Variants in PLEKHN1 observed in about 807,000 individuals in gnomAD.
PLEKHN1 encodes the protein pleckstrin homology domain containing N1.
PLEKHN1 carries 68 observed loss-of-function variants against 72.8 expected under a neutral mutation model. The ratio of observed to expected loss-of-function variants is 0.93; its 90% CI spans 0.77 to 1.14. PLEKHN1 has a LOEUF of 1.14. Among genes scored for constraint, PLEKHN1 ranks in the 50% most tolerant of loss-of-function variants. The pLI is 0.00. For missense variants in PLEKHN1, 1,015 were observed against 840.5 expected, an observed-to-expected ratio of 1.21 and a Z score of -2.57; for synonymous variants, 454 against 371.6, an observed-to-expected ratio of 1.22 and a Z score of -2.55.
At position 974,523 on chromosome 1, in the gene PLEKHN1, G is replaced by T. The variant is rs745898765; in HGVS notation, c.1784G>T (p.Cys595Phe). The change falls in exon 16 of 16, where the codon TGC becomes TTC. Residue 595 changes from cysteine (C) to phenylalanine (F), a missense_variant. Coordinates refer to ENST00000379410, the MANE Select transcript of PLEKHN1 (RefSeq NM_032129.3). ...ACTTTGTCTTCCTCCCACCAGAAGT[G>T]CCCCCAGCTTGGAGGGCCTGAGGCC... ...DETLSSSHQK[C>F]PQLGGPEASG... 6.2e-7 allele frequency: 1 copy of T among 1,612,588 alleles called. No individual in the cohort carries two copies.
At chr1:973,753 C>T in intron 13 of PLEKHN1, 80 bp from the exon 14 acceptor site, 1 of 1,561,582 alleles carries the variant, frequency 6.4e-7, no homozygotes, top group African/African-American at 1.4e-5. Context: ...AGCCTGAGGT[C>T]TGTTCAGGCT....
At position 970,652 on chromosome 1, in the gene PLEKHN1, A is replaced by C. The variant is rs1265432755; in HGVS notation, c.412-34A>C. On this transcript the variant is annotated intron_variant, in intron 4 of 15. Coordinates refer to ENST00000379410, the MANE Select transcript of PLEKHN1 (RefSeq NM_032129.3). The surrounding 1 kb of genome is among the most constrained non-coding windows in gnomAD (Gnocchi z 4.2). ...GCCATGGCCGCCCTTCCCTCCATGG[A>C]TCCCTGAAGCTCCTCCTACCCTGTG... 3.1e-6 allele frequency: 5 copies of C among 1,601,516 alleles called. No individual in the cohort carries two copies. The highest frequency in any genetic ancestry group is 4.3e-6 in the Non-Finnish European group (5 of 1,172,900).
chr1:970,821 G>GC lies in PLEKHN1; in HGVS notation c.485-55dup. The GC allele has an allele frequency of 1.9e-6, 3 of 1,612,672 alleles. No homozygotes were observed. The highest frequency in any genetic ancestry group is 2.5e-6 in the Non-Finnish European group (3 of 1,179,950). ...TGACCCAGGACTTGGAGAGGGGCCTGCCCTGTGGCTGCGGAGCACGTGTGT... is the reference window on the plus strand; with the variant it reads ...TGACCCAGGACTTGGAGAGGGGCCTGCCCCTGTGGCTGCGGAGCACGTGTGT... On this transcript the variant is annotated intron_variant, in intron 5 of 15. Transcript: ENST00000379410. The surrounding 1 kb of genome is among the most constrained non-coding windows in gnomAD (Gnocchi z 4.2).
chr1:969,786 T>C (rs1346129842), intron 2 of PLEKHN1, among the ~76,000 whole-genome samples: 2 of 151,976 alleles, frequency 1.3e-5, no homozygotes, highest in East Asian at 1.9e-4. Context: ...TGTGCGTGTA[T>C]GCATTTATAC....
chr1:966,866 G>A lies in PLEKHN1; in HGVS notation c.183+63G>A, dbSNP rs767419473. 22 of 1,484,052 alleles carry A rather than the reference G, an allele frequency of 1.5e-5. 1 individual carries two copies. The highest frequency in any genetic ancestry group is 7.7e-5 in the South Asian group (6 of 77,450). The allele number at this position is 1,484,052 out of a possible 1,614,324, so 91.9% of individuals were successfully genotyped here. A position where few individuals can be genotyped will look rare whatever the true frequency, so the allele number is the denominator to read the frequency against. On this transcript the variant is annotated intron_variant, in intron 2 of 15. Transcript: ENST00000379410. ...GTGGCTCTGCCCGCGCGTGTGTGCC[G>A]TGTGTCCGTGCAGCTCAGGGTCTTC...
Position 970,196 on chromosome 1 carries a change from A to G in PLEKHN1, c.184-81A>G. On this transcript the variant is annotated intron_variant, in intron 2 of 15. Coordinates refer to ENST00000379410, the MANE Select transcript of PLEKHN1 (RefSeq NM_032129.3). The surrounding 1 kb of genome is among the most constrained non-coding windows in gnomAD (Gnocchi z 4.2). The stretch of plus-strand genomic sequence containing the variant: ...GCTATGCACAGGCAGACCATGCTAT[A>G]GTCCTGTAGCTGTGTGGATGCGAGC... 6.8e-7 allele frequency: 1 copy of G among 1,474,516 alleles called. No homozygotes were observed. Among genetic ancestry groups the G allele is most frequent in the Admixed American group, 2.0e-5 (1 of 50,270 alleles). 91.3% of individuals were successfully genotyped at this position (1,474,516 alleles called of 1,614,324 possible).
rs570680502 is a variant in PLEKHN1, at chr1:969,368, C to A, written c.184-909C>A. On this transcript the variant is annotated intron_variant, in intron 2 of 15. Coordinates refer to ENST00000379410, the MANE Select transcript of PLEKHN1 (RefSeq NM_032129.3). Reference sequence around the variant, plus strand: ...AAGTGTGTATGTGTGCATGTGTTTGCACGTGTATATGTGTGCACACATCTG... The same window carrying A: ...AAGTGTGTATGTGTGCATGTGTTTGAACGTGTATATGTGTGCACACATCTG... 9.6e-5 allele frequency among the ~76,000 whole-genome samples: 5 copies of A among 51,870 alleles called. No individual in the cohort carries two copies. The Admixed American group carries it at 1.2e-3, about 12-fold the overall frequency. The allele number at this position is 51,870 out of a possible 152,430, so 34.0% of individuals were successfully genotyped here. A position where few individuals can be genotyped will look rare whatever the true frequency, so the allele number is the denominator to read the frequency against.
chr1:971,030 C>G (rs1419997382), intron 6 of PLEKHN1, 24 bp downstream of exon 6: 8 of 1,002,672 alleles, frequency 8.0e-6, no homozygotes, highest in South Asian at 5.3e-5. Flanking sequence ...ACCCCACCCC[C>G]CTCCCCACCC....
intron 2 of PLEKHN1, among the ~76,000 whole-genome samples, chr1:967,793 G>A (rs992362189): frequency 3.9e-5 from 6 of 152,234 alleles, no homozygotes; most frequent in Non-Finnish European, 4.4e-5. Flanking sequence ...TGGGGTCCCT[G>A]TGGCTGCATC....
At position 974,010 on chromosome 1, in the gene PLEKHN1, G is replaced by C. The variant is rs961993755; in HGVS notation, c.1612G>C (p.Ala538Pro). 1 of 1,602,718 alleles carries C rather than the reference G, an allele frequency of 6.2e-7. No homozygotes were observed. Among genetic ancestry groups the C allele is most frequent in the Admixed American group, 1.7e-5 (1 of 59,116 alleles). Residue 538 changes from alanine (A) to proline (P), a missense_variant, in exon 14 of 16, where the codon GCC becomes CCC. By Grantham distance (27) the Ala-to-Pro change is conservative (BLOSUM62 -1). Transcript: ENST00000379410. Reference protein sequence around the residue: ...SRAAQRHRGSAKDGGPQPPDA... With the variant: ...SRAAQRHRGSPKDGGPQPPDA... The stretch of plus-strand genomic sequence containing the variant: ...AGCCGCTCAGAGACACCGGGGCTCA[G>C]CCAAGGATGGGGGGCCGCAGCCCCC...
intron 2 of PLEKHN1, among the ~76,000 whole-genome samples, chr1:967,511 C>A (rs1053710907): frequency 1.3e-5 from 2 of 152,178 alleles, no homozygotes; most frequent in Admixed American, 6.5e-5. Flanking sequence ...CCCCACTGCA[C>A]CCCCGTCAGG....
intron 2 of PLEKHN1, 49 bp downstream of exon 2, chr1:966,852 C>G (rs1279836243): frequency 2.0e-6 from 3 of 1,507,778 alleles, no homozygotes; most frequent in Non-Finnish European, 2.7e-6. Context: ...TGGCTCTGCC[C>G]GCGCGTGTGT....
rs758587515 is a variant in PLEKHN1 at position 973,019 on chromosome 1, T to C, written c.1152+9T>C. The C allele has an allele frequency of 1.3e-6, 2 of 1,593,178 alleles. No homozygotes were observed. The highest frequency in any genetic ancestry group is 1.7e-6 in the Non-Finnish European group (2 of 1,168,524). ...CCTCCCAGCACACACCGGTGAGCGC[T>C]TACGGGGTGGCAGACGAAAGTGGGG... On this transcript the variant is annotated intron_variant, in intron 11 of 15. Coordinates refer to ENST00000379410, the MANE Select transcript of PLEKHN1 (RefSeq NM_032129.3).
At position 974,015 on chromosome 1, in the gene PLEKHN1, G is replaced by C; in HGVS notation, c.1617G>C (p.Lys539Asn). The part of the protein sequence containing the change: ...RAAQRHRGSA[K>N]DGGPQPPDAP... ...CTCAGAGACACCGGGGCTCAGCCAA[G>C]GATGGGGGGCCGCAGCCCCCAGACG... Residue 539 changes from lysine to asparagine, a missense_variant, in exon 14 of 16, where the codon AAG becomes AAC. Lys to Asn is a moderately conservative substitution (Grantham distance 94). Coordinates refer to ENST00000379410, the MANE Select transcript of PLEKHN1 (RefSeq NM_032129.3). The C allele has an allele frequency of 6.2e-7, 1 of 1,601,726 alleles. No homozygotes were observed. Among genetic ancestry groups the C allele is most frequent in the Non-Finnish European group, 8.5e-7 (1 of 1,176,534 alleles).
rs1642988634 is a variant in PLEKHN1, at chr1:966,588, C to T, written c.57C>T (p.Ser19=). ...QAPRRLRASF[S]RKPSLKGNRE... is the part of the protein sequence containing the mutation. ...CCAGGAGGCTCCGGGCCTCCTTCTC[C>T]AGAAAGCCCTCGCTGAAGGGAAACA... Residue 19 remains serine (S), a synonymous_variant, in exon 1 of 16, where the codon TCC becomes TCT. Coordinates refer to ENST00000379410, the MANE Select transcript of PLEKHN1 (RefSeq NM_032129.3). 6.2e-7 allele frequency: 1 copy of T among 1,610,998 alleles called. No homozygotes were observed. Among genetic ancestry groups the T allele is most frequent in the Non-Finnish European group, 8.5e-7 (1 of 1,178,714 alleles).
At position 970,570 on chromosome 1, in the gene PLEKHN1, AGGCCCACGGCTC is replaced by A. The variant is rs1369814973; in HGVS notation, c.383_394del (p.Ala128_Ser131del). 6.2e-7 allele frequency: 1 copy of A among 1,612,950 alleles called. No individual in the cohort carries two copies. The highest frequency in any genetic ancestry group is 8.5e-7 in the Non-Finnish European group (1 of 1,179,910). On this transcript the variant is annotated inframe_deletion, in exon 4 of 16. Transcript: ENST00000379410. This position sits in a 1 kb window ranked among gnomAD's most constrained non-coding sequence, Gnocchi z 4.2. ...CTATTCCCCGCCCACCTGTACTTCC[AGGCCCACGGCTC>A]GGAAGGACTCACATTTCAGGTGAGG...
rs1288959032 is a variant in PLEKHN1, at chr1:972,413, C to T, written c.991C>T (p.Pro331Ser). The change falls in exon 10 of 16, where the codon CCA becomes TCA. Residue 331 changes from proline to serine, a missense_variant. By Grantham distance (74) the Pro-to-Ser change is moderately conservative. Transcript: ENST00000379410. ...APPLPGAESFPGSQVMGSGRG... is the reference protein window; with the variant it reads ...APPLPGAESFSGSQVMGSGRG... Reference sequence around the variant, plus strand: ...GCCGCTGCCTGGTGCCGAGAGCTTCCCAGGGTCGCAGGTGAGGGGTCAATA... The same window carrying T: ...GCCGCTGCCTGGTGCCGAGAGCTTCTCAGGGTCGCAGGTGAGGGGTCAATA... 6.3e-7 allele frequency: 1 copy of T among 1,577,102 alleles called. No individual in the cohort carries two copies. Among genetic ancestry groups the T allele is most frequent in the African/African-American group, 1.3e-5 (1 of 74,388 alleles).
chr1:967,746 G>A (rs1293851416), intron 2 of PLEKHN1, among the ~76,000 whole-genome samples: 3 of 152,218 alleles, frequency 2.0e-5, no homozygotes, highest in South Asian at 2.1e-4. Flanking sequence ...TGCCTCAGAG[G>A]AGTGGGCAGG....
chr1:969,524 GTGTGCACGTGTGTA>G (rs1366562045), intron 2 of PLEKHN1, among the ~76,000 whole-genome samples: 42 of 152,234 alleles, frequency 2.8e-4, no homozygotes, highest in East Asian at 1.5e-3. Flanking sequence ...GCATGTGTAT[GTGTGCACGTGTGTA>G]TGTGCACGTG....
Sources: allele counts gnomAD v4.1 joint callset (sites outside exome capture counted in the v4.1 genomes callset), GRCh38; gene constraint gnomAD v4.1.1; non-coding constraint Gnocchi (gnomAD v3.1); transcripts MANE v1.5; gene names NCBI Gene and HGNC (gene_info 2026-07-23, HGNC 2026-07-21).